Variants in RGS6 observed in about 807,000 individuals in gnomAD.
RGS6 encodes the protein regulator of G-protein signaling 6.
In RGS6, 30 loss-of-function variants were observed where a neutral mutation model predicts 78.5. The ratio of observed to expected loss-of-function variants is 0.38; its 90% confidence interval spans 0.29 to 0.52. The LOEUF (loss-of-function observed/expected upper bound fraction) is 0.52. RGS6 is among the 20% of genes least tolerant of loss of function. The pLI is 0.85. For missense variants in RGS6, 495 were observed against 609.7 expected (o/e 0.81, Z 1.98); for synonymous variants, 206 against 206.0 (o/e 1.00, Z 0.00).
intron 3 of RGS6, among the ~76,000 whole-genome samples, chr14:72,408,454 A>G (rs2093130973): frequency 6.6e-6 from 1 of 152,190 alleles, no homozygotes; most frequent in Non-Finnish European, 1.5e-5. Flanking sequence ...GGTAACCAAG[A>G]CTTCATCTAA....
At chr14:71,870,812 G>A in the RGS6 span, among the ~76,000 whole-genome samples, 1 of 152,154 alleles carries the variant, frequency 6.6e-6, no homozygotes, top group Non-Finnish European at 1.5e-5. Context: ...CAGGATTCCA[G>A]AACTGTCCAC....
intron 2 of RGS6, among the ~76,000 whole-genome samples, chr14:72,132,781 GTT>G (rs767770941): frequency 2.3e-5 from 3 of 132,604 alleles, no homozygotes; most frequent in Non-Finnish European, 3.3e-5. Context: ...TTTGTTTGTC[GTT>G]TTTTTTTTTT....
At chr14:72,328,991 C>A (rs578081767) in intron 2 of RGS6, among the ~76,000 whole-genome samples, 1 of 152,208 alleles carries the variant, frequency 6.6e-6, no homozygotes, top group Non-Finnish European at 1.5e-5. Context: ...CCTGCTTCAT[C>A]CTCCCAAATT....
chr14:72,101,368 T>A (rs2095524184), intron 2 of RGS6, among the ~76,000 whole-genome samples: 1 of 152,190 alleles, frequency 6.6e-6, no homozygotes, highest in Admixed American at 6.5e-5. Flanking sequence ...AAAGTAAGCA[T>A]TGATGTGTTC....
At chr14:72,519,859 A>G (rs1344454727) in intron 15 of RGS6, among the ~76,000 whole-genome samples, 1 of 152,184 alleles carries the variant, frequency 6.6e-6, no homozygotes, top group Non-Finnish European at 1.5e-5. Flanking sequence ...TTTATGAAAC[A>G]CAAGAAGAGG....
intron 1 of RGS6, among the ~76,000 whole-genome samples, chr14:71,943,180 C>T (rs896826910): frequency 6.6e-6 from 1 of 152,150 alleles, no homozygotes; most frequent in Non-Finnish European, 1.5e-5. Context: ...AGACAGAGAA[C>T]TGCTATTATT....
At chr14:71,992,194 C>A (rs1356310428) in intron 2 of RGS6, among the ~76,000 whole-genome samples, 3 of 152,096 alleles carry the variant, frequency 2.0e-5, no homozygotes, top group African/African-American at 7.2e-5. Context: ...CCATGCTTGG[C>A]TAATTTTTTT....
the RGS6 span, among the ~76,000 whole-genome samples, chr14:72,572,639 C>A: frequency 6.6e-6 from 1 of 151,796 alleles, no homozygotes; most frequent in African/African-American, 2.4e-5. Context: ...TGCCTAGAGA[C>A]AACAAGGTGG....
chr14:72,445,095 G>C (rs964607517), intron 3 of RGS6, among the ~76,000 whole-genome samples: 2 of 152,212 alleles, frequency 1.3e-5, no homozygotes, highest in South Asian at 4.1e-4. Flanking sequence ...CCTCTTCCCA[G>C]TGACAGCCAG....
In RGS6 at chr14:72,528,521, T is replaced by G. The variant is rs150607722; in HGVS notation, c.1279-7665T>G. ...ATCATATAGAGAACCACCCTCATCTTCTTTGGAGGAGGTGCCTCTCCACTG... is the reference window on the plus strand; with the variant it reads ...ATCATATAGAGAACCACCCTCATCTGCTTTGGAGGAGGTGCCTCTCCACTG... On this transcript the variant is annotated intron_variant, in intron 15 of 17. Transcript: ENST00000553525. Among the ~76,000 whole-genome samples the G allele has an allele frequency of 2.6e-4, 40 of 152,322 alleles. 1 individual carries two copies. The East Asian group carries it at 7.5e-3, about 29-fold the overall frequency.
chr14:72,552,528 A>G (rs4903031), intron 17 of RGS6: 29,058 of 152,224 alleles, frequency 0.19, 2,986 homozygotes, highest in Middle Eastern at 0.29. Context: ...CAAGATAAGA[A>G]GATGAAATCC....
chr14:72,017,206 T>A (rs574673750), intron 2 of RGS6, among the ~76,000 whole-genome samples: 1 of 152,324 alleles, frequency 6.6e-6, no homozygotes, highest in Admixed American at 6.5e-5. Flanking sequence ...CCAGCTGATT[T>A]AAATTTTTTT....
chr14:72,164,373 T>C (rs2096896153), intron 2 of RGS6, among the ~76,000 whole-genome samples: 1 of 152,130 alleles, frequency 6.6e-6, no homozygotes, highest in South Asian at 2.1e-4. Context: ...GAATATTTCA[T>C]CTGGCCACTC....
intron 2 of RGS6, among the ~76,000 whole-genome samples, chr14:72,201,030 C>T (rs1447432876): frequency 1.3e-5 from 2 of 151,418 alleles, no homozygotes; most frequent in Non-Finnish European, 2.9e-5. Context: ...TAACCACAGC[C>T]TTCTTAGCCA....
intron 3 of RGS6, among the ~76,000 whole-genome samples, chr14:72,370,503 G>A (rs1234022940): frequency 6.6e-6 from 1 of 152,202 alleles, no homozygotes; most frequent in East Asian, 1.9e-4. Context: ...GGAACAAGGA[G>A]GCTACATCTT....
At chr14:72,114,025 T>C (rs1017654839) in intron 2 of RGS6, among the ~76,000 whole-genome samples, 7 of 152,196 alleles carry the variant, frequency 4.6e-5, no homozygotes, top group African/African-American at 1.7e-4. Context: ...GCTGTTGTAT[T>C]GTAAAAGACA....
chr14:72,233,313 G>T (rs1391127330), intron 2 of RGS6, among the ~76,000 whole-genome samples: 1 of 152,178 alleles, frequency 6.6e-6, no homozygotes, highest in African/African-American at 2.4e-5. Flanking sequence ...ATTTCTTGGG[G>T]GCTGGACTCG....
chr14:71,896,557 C>G, the RGS6 span, among the ~76,000 whole-genome samples: 1 of 152,192 alleles, frequency 6.6e-6, no homozygotes, highest in South Asian at 2.1e-4. Context: ...AACCTTCTAT[C>G]TCATCCGGTG....
intron 17 of RGS6, chr14:72,541,022 T>G (rs2097318860): frequency 7.7e-7 from 1 of 1,302,406 alleles, no homozygotes; most frequent in Non-Finnish European, 1.0e-6. Context: ...GATTTGAACA[T>G]TGAGCTCAGT....
Sources: gnomAD v4.1 joint callset for allele counts (sites outside exome capture counted in the v4.1 genomes callset) on GRCh38, gnomAD v4.1.1 for gene constraint, MANE v1.5 for transcripts, NCBI Gene and HGNC (gene_info 2026-07-23, HGNC 2026-07-21) for gene names.